IMMP2L: variants seen among roughly 807,000 people sequenced by gnomAD.
IMMP2L encodes the protein inner mitochondrial membrane peptidase subunit 2, also known as mitochondrial inner membrane protease subunit 2.
IMMP2L carries 18 observed loss-of-function variants against 19.3 expected under a neutral mutation model. The observed-to-expected ratio is 0.93, with a 90% CI of 0.64 to 1.38. The LOEUF is 1.38. Ranked by LOEUF, IMMP2L falls within the 40% of genes most tolerant of loss-of-function variation. IMMP2L has a pLI of 0.00. For synonymous variants in IMMP2L, 76 were observed against 73.0 expected, an observed-to-expected ratio of 1.04 and a Z score of -0.21; for missense variants, 233 against 218.2, an observed-to-expected ratio of 1.07 and a Z score of -0.43.
intron 3 of IMMP2L, among the ~76,000 whole-genome samples, chr7:111,048,373 T>C (rs940515296): frequency 3.9e-5 from 6 of 152,130 alleles, no homozygotes; most frequent in Non-Finnish European, 7.4e-5. Flanking sequence ...AACTGGACTC[T>C]GCAAGCAGTG....
intron 5 of IMMP2L, among the ~76,000 whole-genome samples, chr7:110,742,709 G>A (rs1345739816): frequency 1.3e-5 from 2 of 148,588 alleles, no homozygotes; most frequent in East Asian, 4.0e-4. Context: ...AGAGGTTGCA[G>A]TGCGCCAGAG....
chr7:110,832,005 T>A (rs2131387258), intron 5 of IMMP2L, among the ~76,000 whole-genome samples: 1 of 152,338 alleles, frequency 6.6e-6, no homozygotes, highest in Middle Eastern at 3.4e-3. Flanking sequence ...GGCTCACGCC[T>A]GTAATCCCCA....
intron 3 of IMMP2L, among the ~76,000 whole-genome samples, chr7:111,320,140 C>A (rs1309171119): frequency 6.6e-6 from 1 of 152,024 alleles, no homozygotes; most frequent in Non-Finnish European, 1.5e-5. Flanking sequence ...ATAGATCATA[C>A]CCAGGCTGCA....
chr7:111,552,938 C>A (rs1790843062), intron 1 of IMMP2L, among the ~76,000 whole-genome samples: 2 of 152,266 alleles, frequency 1.3e-5, no homozygotes, highest in Middle Eastern at 3.4e-3. Flanking sequence ...GGAAAGGAAC[C>A]AACCTGCCAA....
At chr7:110,902,279 A>T (rs1811953587) in intron 4 of IMMP2L, among the ~76,000 whole-genome samples, 1 of 151,896 alleles carries the variant, frequency 6.6e-6, no homozygotes, top group South Asian at 2.1e-4. Flanking sequence ...GCCTACTATT[A>T]ATTATAGAAA....
chr7:111,131,134 G>T (rs1801809811), intron 3 of IMMP2L, among the ~76,000 whole-genome samples: 1 of 150,802 alleles, frequency 6.6e-6, no homozygotes, highest in African/African-American at 2.4e-5. Context: ...TATATAAAAT[G>T]CATTTTAAAA....
In IMMP2L at chr7:110,877,661, C is replaced by T. The variant is rs1377873220; in HGVS notation, c.408+8932G>A. Among the ~76,000 whole-genome samples the T allele has an allele frequency of 1.3e-5, 2 of 152,114 alleles. No homozygotes were observed. The highest frequency in any genetic ancestry group is 2.9e-5 in the Non-Finnish European group (2 of 68,022). ...ACTAGCTATTTTGAGCCAGACTGCGCTTAGGCCTCGGCAAGAGGCACTACT... is the reference window on the plus strand; with the variant it reads ...ACTAGCTATTTTGAGCCAGACTGCGTTTAGGCCTCGGCAAGAGGCACTACT... On this transcript the variant is annotated intron_variant, in intron 5 of 5. Transcript: ENST00000405709. This position sits in a 1 kb window ranked among gnomAD's most constrained non-coding sequence, Gnocchi z 4.0.
chr7:110,956,065 A>G (rs1818325453), intron 4 of IMMP2L, among the ~76,000 whole-genome samples: 1 of 152,044 alleles, frequency 6.6e-6, no homozygotes. Flanking sequence ...TGATAGGCTA[A>G]TATTGATTTC....
At chr7:110,920,859 C>A (rs1336835861) in intron 4 of IMMP2L, among the ~76,000 whole-genome samples, 1 of 152,154 alleles carries the variant, frequency 6.6e-6, no homozygotes, top group East Asian at 1.9e-4. Flanking sequence ...ACCCAGCTTT[C>A]CCTAATGTTA....
intron 3 of IMMP2L, among the ~76,000 whole-genome samples, chr7:111,372,850 T>G (rs1456182341): frequency 6.6e-6 from 1 of 152,014 alleles, no homozygotes; most frequent in Non-Finnish European, 1.5e-5. Flanking sequence ...ATCAGTTTCA[T>G]TTTTCTATTT....
intron 3 of IMMP2L, among the ~76,000 whole-genome samples, chr7:111,093,000 G>C (rs1797024409): frequency 1.3e-5 from 2 of 152,126 alleles, no homozygotes; most frequent in South Asian, 4.1e-4. Flanking sequence ...AAAGCAAAAA[G>C]ACAATAACCA....
chr7:110,663,512 C>T lies in IMMP2L; in HGVS notation c.*90G>A. 2 of 1,066,258 alleles carry T rather than the reference C, an allele frequency of 1.9e-6. No individual in the cohort carries two copies. The highest frequency in any genetic ancestry group is 2.6e-5 in the South Asian group (2 of 76,018). The allele number at this position is 1,066,258 out of a possible 1,614,324, so 66.0% of individuals were successfully genotyped here. A position where few individuals can be genotyped will look rare whatever the true frequency, so the allele number is the denominator to read the frequency against. On this transcript the variant is annotated 3_prime_UTR_variant, in exon 6 of 6. Transcript: ENST00000405709. ...TATTTCTCGCACAGCATCATATTGT[C>T]AGAAGTTTTTCCCTTTTGGAGGCTT...
chr7:111,191,431 TACACACACACAC>T lies in IMMP2L; in HGVS notation c.240-227878_240-227867del, dbSNP rs57414194. On this transcript the variant is annotated intron_variant, in intron 3 of 5. Coordinates refer to ENST00000405709, the MANE Select transcript of IMMP2L (RefSeq NM_032549.4). ...ACAAGGTAAAATGCTGCTGCTCAAA[TACACACACACAC>T]ACACACACACACACACACACACACA... Among the ~76,000 whole-genome samples the T allele has an allele frequency of 2.9e-3, 426 of 146,130 alleles. 2 individuals are homozygous for T. Among genetic ancestry groups the T allele is most frequent in the East Asian group, 4.5e-3 (22 of 4,894 alleles).
intron 3 of IMMP2L, among the ~76,000 whole-genome samples, chr7:111,309,103 T>C (rs1823210099): frequency 6.6e-6 from 1 of 152,122 alleles, no homozygotes; most frequent in African/African-American, 2.4e-5. Context: ...CAAATGGTTG[T>C]GAAATTGTCA....
chr7:111,266,074 T>C lies in IMMP2L; in HGVS notation c.239+221164A>G, dbSNP rs113050818. 9.2e-3 allele frequency among the ~76,000 whole-genome samples: 1,396 copies of C among 152,298 alleles called. 21 individuals carry two copies. The highest frequency in any genetic ancestry group is 0.032 in the African/African-American group (1,320 of 41,562). On this transcript the variant is annotated intron_variant, in intron 3 of 5. Transcript: ENST00000405709. ...AACATACTTTAAACATGTTTAAACA[T>C]ATATTAAAGCATATTTTACTTACTT...
chr7:111,157,369 A>G (rs1186230066), intron 3 of IMMP2L, among the ~76,000 whole-genome samples: 1 of 152,144 alleles, frequency 6.6e-6, no homozygotes, highest in African/African-American at 2.4e-5. Context: ...TGTGGTACCT[A>G]TACACAGTGG....
chr7:110,731,780 C>T (rs188240429), intron 5 of IMMP2L, among the ~76,000 whole-genome samples: 8 of 152,126 alleles, frequency 5.3e-5, no homozygotes, highest in Admixed American at 2.0e-4. Context: ...CTGTTTTCTC[C>T]GTTGACTTCA....
chr7:111,179,042 T>G (rs1807403145), intron 3 of IMMP2L, among the ~76,000 whole-genome samples: 1 of 152,048 alleles, frequency 6.6e-6, no homozygotes, highest in African/African-American at 2.4e-5. Context: ...AATGTACTTC[T>G]TAAATAATAA....
At chr7:110,940,745 A>G (rs1157511292) in intron 4 of IMMP2L, among the ~76,000 whole-genome samples, 1 of 152,224 alleles carries the variant, frequency 6.6e-6, no homozygotes, top group African/African-American at 2.4e-5. Context: ...AACAAACACA[A>G]CAAACAACAA....
Sources: gnomAD v4.1 joint callset for allele counts (sites outside exome capture counted in the v4.1 genomes callset) on GRCh38, gnomAD v4.1.1 for gene constraint, Gnocchi (gnomAD v3.1) non-coding constraint, MANE v1.5 for transcripts, NCBI Gene and HGNC (gene_info 2026-07-23, HGNC 2026-07-21) for gene names.